Variants in ZC3H12B observed in about 807,000 individuals in gnomAD.
The protein encoded by ZC3H12B is probable ribonuclease ZC3H12B.
A neutral mutation model predicts 43.9 loss-of-function variants in ZC3H12B; 7 were observed. That is an observed-to-expected ratio of 0.16 (90% CI 0.09 to 0.30). ZC3H12B has a LOEUF of 0.30. Ranked by LOEUF, ZC3H12B falls within the 10% of genes least tolerant of loss-of-function variation. The probability of loss-of-function intolerance (pLI) is 1.00; values close to 1 mark genes in which losing one functional copy is unlikely to be tolerated. For synonymous variants in ZC3H12B, 222 were observed against 241.7 expected, an observed-to-expected ratio of 0.92 and a Z score of 0.76; for missense variants, 475 against 670.2, an observed-to-expected ratio of 0.71 and a Z score of 3.22.
At chrX:65,285,410 A>T in the ZC3H12B span, among the ~76,000 whole-genome samples, 1 of 110,718 alleles carries the variant, frequency 9.0e-6, no homozygotes, top group Non-Finnish European at 1.9e-5. Flanking sequence ...TCCCCACACC[A>T]TATGATAATC....
chrX:65,238,681 G>T, the ZC3H12B span, among the ~76,000 whole-genome samples: 2 of 111,291 alleles, frequency 1.8e-5, no homozygotes, highest in African/African-American at 6.5e-5. Context: ...GTAATGTTAG[G>T]TTATTAATTT....
chrX:65,355,485 A>C, the ZC3H12B span, among the ~76,000 whole-genome samples: 1 of 111,525 alleles, frequency 9.0e-6, no homozygotes, highest in African/African-American at 3.3e-5. Flanking sequence ...AATAATTACC[A>C]AAATTCTGAT....
chrX:65,362,967 A>G (rs903568361), upstream of ZC3H12B, among the ~76,000 whole-genome samples: 1 of 110,628 alleles, frequency 9.0e-6, no homozygotes, highest in Non-Finnish European at 1.9e-5. Flanking sequence ...TTGATCTCAA[A>G]CATGCTTTCT....
chrX:65,168,125 G>A, the ZC3H12B span, among the ~76,000 whole-genome samples: 1 of 110,989 alleles, frequency 9.0e-6, no homozygotes, highest in East Asian at 2.8e-4. Context: ...CTTTTCAAAG[G>A]GAATGCTTCC....
the ZC3H12B span, among the ~76,000 whole-genome samples, chrX:65,110,576 C>G: frequency 9.0e-6 from 1 of 111,109 alleles, no homozygotes; most frequent in Non-Finnish European, 1.9e-5. Context: ...AAAAATTAGG[C>G]ATATTTATGT....
chrX:65,337,936 C>A, the ZC3H12B span, among the ~76,000 whole-genome samples: 1 of 112,010 alleles, frequency 8.9e-6, no homozygotes, highest in Non-Finnish European at 1.9e-5. Flanking sequence ...TGAGATGGGT[C>A]TTTTAAAGAC....
chrX:65,236,522 C>T, the ZC3H12B span, among the ~76,000 whole-genome samples: 2 of 111,766 alleles, frequency 1.8e-5, no homozygotes, highest in African/African-American at 6.5e-5. Flanking sequence ...ATGATAGTTT[C>T]TTTTGCTGTG....
the ZC3H12B span, among the ~76,000 whole-genome samples, chrX:65,313,186 G>A: frequency 8.9e-6 from 1 of 112,005 alleles, no homozygotes; most frequent in East Asian, 2.8e-4. Flanking sequence ...CTGCCTGGTT[G>A]TTAAGTTTTT....
the ZC3H12B span, among the ~76,000 whole-genome samples, chrX:65,110,748 C>G: frequency 9.0e-6 from 1 of 111,259 alleles, no homozygotes; most frequent in Non-Finnish European, 1.9e-5. Context: ...TTAGAATAAT[C>G]TTGTCTATAT....
chrX:65,147,772 T>A, the ZC3H12B span, among the ~76,000 whole-genome samples: 1 of 110,411 alleles, frequency 9.1e-6, no homozygotes, highest in African/African-American at 3.3e-5. Context: ...GGCCATGGAG[T>A]TCATCCTGGA....
the ZC3H12B span, among the ~76,000 whole-genome samples, chrX:65,057,070 C>G: frequency 8.9e-6 from 1 of 111,793 alleles, no homozygotes; most frequent in African/African-American, 3.3e-5. Context: ...TTAATTGGAG[C>G]ATTTAGCCCA....
chrX:65,248,104 G>A, the ZC3H12B span, among the ~76,000 whole-genome samples: 1 of 110,763 alleles, frequency 9.0e-6, no homozygotes, highest in African/African-American at 3.3e-5. Flanking sequence ...GTGCAGTGGC[G>A]TGATCTCGGC....
At chrX:65,224,859 C>G in the ZC3H12B span, among the ~76,000 whole-genome samples, 76 of 112,259 alleles carry the variant, frequency 6.8e-4, no homozygotes, top group African/African-American at 2.5e-3. Context: ...CTTAGGTAAA[C>G]AAAGCAGCCG....
intron 3 of ZC3H12B, among the ~76,000 whole-genome samples, chrX:65,437,292 C>T (rs1214148697): frequency 9.0e-6 from 1 of 111,588 alleles, no homozygotes; most frequent in Non-Finnish European, 1.9e-5. Flanking sequence ...CATCCCCACT[C>T]CCCTGCTCTA....
the ZC3H12B span, among the ~76,000 whole-genome samples, chrX:65,060,762 T>C: frequency 8.9e-6 from 1 of 112,368 alleles, no homozygotes; most frequent in Non-Finnish European, 1.9e-5. Flanking sequence ...AACAAACATA[T>C]GAAGAAAAGC....
At chrX:65,179,558 G>A in the ZC3H12B span, among the ~76,000 whole-genome samples, 1 of 110,308 alleles carries the variant, frequency 9.1e-6, no homozygotes, top group African/African-American at 3.3e-5. Context: ...CTAGGAGCTG[G>A]GTTTTTTAAA....
chrX:65,420,791 C>G (rs1419307029), intron 3 of ZC3H12B, among the ~76,000 whole-genome samples: 1 of 111,802 alleles, frequency 8.9e-6, no homozygotes, highest in African/African-American at 3.3e-5. Flanking sequence ...GGAGGAATGA[C>G]AAAGGATTAT....
chrX:65,171,220 G>A, the ZC3H12B span, among the ~76,000 whole-genome samples: 276 of 111,226 alleles, frequency 2.5e-3, 2 homozygotes, highest in African/African-American at 7.9e-3. Context: ...GTCGGGTTTC[G>A]GTGTGGATGT....
intron 2 of ZC3H12B, among the ~76,000 whole-genome samples, chrX:65,375,118 G>A (rs1159055947): frequency 2.7e-5 from 3 of 111,637 alleles, no homozygotes; most frequent in Non-Finnish European, 5.6e-5. Context: ...TGTGTTCTTG[G>A]GAAAGGGAGG....
Sources: allele counts gnomAD v4.1 joint callset (sites outside exome capture counted in the v4.1 genomes callset), GRCh38; gene constraint gnomAD v4.1.1; transcripts MANE v1.5; gene names NCBI Gene and HGNC (gene_info 2026-07-23, HGNC 2026-07-21).